The following CD99L2 variants were observed in gnomAD, a reference collection of about 807,000 sequenced individuals.
CD99L2 encodes CD99 antigen-like protein 2.
Under a neutral mutation model 27.3 loss-of-function variants are expected in CD99L2, and 24 were observed. The ratio of observed to expected loss-of-function variants is 0.88; its 90% CI spans 0.64 to 1.24. CD99L2 has a LOEUF of 1.24. CD99L2 is among the 50% of genes most tolerant of loss of function. CD99L2 has a pLI of 0.00. For synonymous variants in CD99L2, 97 were observed against 87.9 expected (o/e 1.10, Z -0.58); for missense variants, 255 against 221.6 (o/e 1.15, Z -0.96).
At chrX:150,861,045 G>A (rs1463058313) in intron 1 of CD99L2, among the ~76,000 whole-genome samples, 1 of 106,483 alleles carries the variant, frequency 9.4e-6, no homozygotes, top group African/African-American at 3.5e-5. Context: ...GGGAGGCTGA[G>A]GGAGGAGAAT....
chrX:150,823,243 G>A (rs781919094), intron 2 of CD99L2, among the ~76,000 whole-genome samples: 4 of 112,058 alleles, frequency 3.6e-5, no homozygotes, highest in Non-Finnish European at 7.5e-5. Context: ...GCTTATAACA[G>A]AATACCTGAA....
chrX:150,807,546 G>A (rs1262342327), intron 4 of CD99L2, among the ~76,000 whole-genome samples: 1 of 112,267 alleles, frequency 8.9e-6, no homozygotes, highest in Non-Finnish European at 1.9e-5. Flanking sequence ...GAGGGGAAAG[G>A]CCTCTCTAGT....
rs183260289 is a variant in CD99L2 at position 150,794,409 on chromosome X, G to A, written c.431-653C>T. On this transcript the variant is annotated intron_variant, in intron 6 of 10. Coordinates refer to ENST00000370377, the MANE Select transcript of CD99L2 (RefSeq NM_031462.4). ...CTCAGCTTAGCTGTTCCTCAACTCC[G>A]GACCAAAGGAAACAGTGGGATAATA... 2.0e-4 allele frequency among the ~76,000 whole-genome samples: 22 copies of A among 111,947 alleles called. No individual in the cohort carries two copies. The East Asian group carries it at 2.5e-3, about 13-fold the overall frequency.
chrX:150,878,337 T>TA (rs782307753), intron 1 of CD99L2, among the ~76,000 whole-genome samples: 86 of 89,035 alleles, frequency 9.7e-4, no homozygotes, highest in East Asian at 8.4e-3. Context: ...AAACTCTGTC[T>TA]AAAAAAAAAA....
chrX:150,888,233 T>G, intron 1 of CD99L2, among the ~76,000 whole-genome samples: 1 of 111,628 alleles, frequency 9.0e-6, no homozygotes, highest in Non-Finnish European at 1.9e-5. Context: ...TGTGCACAAA[T>G]GTCCACAGCA....
At chrX:150,776,348 C>T in intron 8 of CD99L2, 55 bp from the exon 9 acceptor site, 1 of 1,134,539 alleles carries the variant, frequency 8.8e-7, no homozygotes, top group South Asian at 2.1e-5. Context: ...CAAAGCACCG[C>T]AGGGAGCAGC....
rs782218630 is a variant in CD99L2, at chrX:150,887,329, G to A, written c.67+11193C>T. On this transcript the variant is annotated intron_variant, in intron 1 of 10. Transcript: ENST00000370377. ...GGCATGGTGGCGCATGCCTGTAATC[G>A]CAGCTACTCAGGAGGCTGAGGCAGG... Among the ~76,000 whole-genome samples, 199 of 108,469 alleles carry A rather than the reference G, an allele frequency of 1.8e-3. 1 individual carries two copies. Among genetic ancestry groups the A allele is most frequent in the Non-Finnish European group, 2.8e-3 (147 of 52,251 alleles). 94.2% of individuals were successfully genotyped at this position (108,469 alleles called of 115,157 possible). A position where few individuals can be genotyped will look rare whatever the true frequency, so the allele number is the denominator to read the frequency against.
chrX:150,766,724 A>T lies in CD99L2; in HGVS notation c.*2310T>A, dbSNP rs1449015559. The T allele has an allele frequency of 8.9e-6, 1 of 112,304 alleles. No individual in the cohort carries two copies. Among genetic ancestry groups the T allele is most frequent in the Admixed American group, 9.4e-5 (1 of 10,643 alleles). The allele number at this position is 112,304 out of a possible 1,213,427, so 9.3% of individuals were successfully genotyped here. A position where few individuals can be genotyped will look rare whatever the true frequency, so the allele number is the denominator to read the frequency against. On this transcript the variant is annotated 3_prime_UTR_variant, in exon 11 of 11. Coordinates refer to ENST00000370377, the MANE Select transcript of CD99L2 (RefSeq NM_031462.4). ...TGGCCAGTGCAACCTTCAGATAGAC[A>T]CATGGTGACCAGAGCCCGCCAGGCT...
chrX:150,840,004 C>T (rs1359713333), intron 1 of CD99L2, among the ~76,000 whole-genome samples: 1 of 109,877 alleles, frequency 9.1e-6, no homozygotes, highest in Non-Finnish European at 1.9e-5. Flanking sequence ...TACTACTGCA[C>T]TCAAGCCTGG....
intron 1 of CD99L2, among the ~76,000 whole-genome samples, chrX:150,881,041 A>G (rs1407022289): frequency 2.7e-5 from 3 of 111,325 alleles, no homozygotes; most frequent in Non-Finnish European, 3.8e-5. Flanking sequence ...CCTGACTTCC[A>G]GTACCCTTCC....
intron 2 of CD99L2, among the ~76,000 whole-genome samples, chrX:150,824,174 G>A (rs797032456): frequency 0.032 from 425 of 13,082 alleles, 22 homozygotes; most frequent in East Asian, 0.14. Context: ...GGAGGAGGAG[G>A]AGAAGGAGGA....
intron 1 of CD99L2, among the ~76,000 whole-genome samples, chrX:150,832,667 C>G (rs1219532549): frequency 2.7e-5 from 3 of 111,823 alleles, no homozygotes; most frequent in Non-Finnish European, 3.8e-5. Context: ...TAGGCAAGAA[C>G]AAGAAATAAA....
chrX:150,809,925 A>C (rs1161324154), intron 4 of CD99L2, among the ~76,000 whole-genome samples: 1 of 112,156 alleles, frequency 8.9e-6, no homozygotes, highest in African/African-American at 3.2e-5. Context: ...AATGATCCTA[A>C]ATTTGGATGT....
rs1557418779 is a variant in CD99L2, at chrX:150,768,363, A to G, written c.*671T>C. Reference sequence around the variant, plus strand: ...TTATCCGGAAGATTCCTAAGCTCTCAAGGCAGGACTATCACGAGATGCATG... The same window carrying G: ...TTATCCGGAAGATTCCTAAGCTCTCGAGGCAGGACTATCACGAGATGCATG... On this transcript the variant is annotated 3_prime_UTR_variant, in exon 11 of 11. Transcript: ENST00000370377. The G allele has an allele frequency of 8.9e-6, 1 of 112,794 alleles. No homozygotes were observed. Among genetic ancestry groups the G allele is most frequent in the African/African-American group, 3.2e-5 (1 of 30,983 alleles). The allele number at this position is 112,794 out of a possible 1,213,427, so 9.3% of individuals were successfully genotyped here. A position where few individuals can be genotyped will look rare whatever the true frequency, so the allele number is the denominator to read the frequency against.
intron 1 of CD99L2, among the ~76,000 whole-genome samples, chrX:150,892,978 G>A (rs1221793085): frequency 2.7e-5 from 3 of 111,756 alleles, no homozygotes; most frequent in East Asian, 2.8e-4. Flanking sequence ...AAAAAAATTA[G>A]CCGGGTGTGA....
At chrX:150,809,101 G>A (rs927053348) in intron 4 of CD99L2, among the ~76,000 whole-genome samples, 1 of 111,191 alleles carries the variant, frequency 9.0e-6, no homozygotes, top group Admixed American at 9.6e-5. Flanking sequence ...AGCAGGAAAA[G>A]GCAAGGAAAT....
chrX:150,769,686 C>T (rs2043392123), intron 10 of CD99L2, among the ~76,000 whole-genome samples: 1 of 85,367 alleles, frequency 1.2e-5, no homozygotes, highest in African/African-American at 8.1e-5. Flanking sequence ...CCTGCGCCAC[C>T]AGGCCTCGGC....
At chrX:150,775,777 G>A (rs2043541061) in intron 9 of CD99L2, among the ~76,000 whole-genome samples, 1 of 112,394 alleles carries the variant, frequency 8.9e-6, no homozygotes, top group African/African-American at 3.2e-5. Flanking sequence ...CAGCATGGGA[G>A]GGAGCTGGTG....
chrX:150,818,963 A>G, intron 2 of CD99L2: 1 of 335,858 alleles, frequency 3.0e-6, no homozygotes, highest in Non-Finnish European at 5.8e-6. Context: ...ACATGCCATA[A>G]TAGTAATGGT....
Sources: allele counts gnomAD v4.1 joint callset (sites outside exome capture counted in the v4.1 genomes callset), GRCh38; gene constraint gnomAD v4.1.1; transcripts MANE v1.5; gene names NCBI Gene and HGNC (gene_info 2026-07-23, HGNC 2026-07-21).